The following GUCA1B variants were observed in gnomAD, a reference collection of about 807,000 sequenced individuals.
GUCA1B encodes guanylate cyclase activator 1B, also known as guanylyl cyclase-activating protein 2.
A neutral mutation model predicts 24.2 loss-of-function variants in GUCA1B; 22 were observed. That is an observed-to-expected ratio of 0.91 (90% CI 0.65 to 1.30). The LOEUF (loss-of-function observed/expected upper bound fraction) is 1.30, where lower values mean the gene tolerates loss of function less well. Among genes scored for constraint, GUCA1B ranks in the 50% most tolerant of loss-of-function variants. GUCA1B has a pLI of 0.00. For missense variants in GUCA1B, 221 were observed against 258.8 expected, an observed-to-expected ratio of 0.85 and a Z score of 1.00; for synonymous variants, 100 against 97.9, an observed-to-expected ratio of 1.02 and a Z score of -0.13.
chr6:42,193,654 G>C (rs1163925859), intron 1 of GUCA1B, among the ~76,000 whole-genome samples: 5 of 152,204 alleles, frequency 3.3e-5, no homozygotes, highest in Non-Finnish European at 5.9e-5. Flanking sequence ...AGGTTCTGTT[G>C]AATTGAAGGT....
At chr6:42,189,127 AC>A (rs935554534) in intron 1 of GUCA1B, among the ~76,000 whole-genome samples, 6 of 151,866 alleles carry the variant, frequency 4.0e-5, no homozygotes, top group African/African-American at 1.2e-4. Flanking sequence ...ACCCAAGCCT[AC>A]CCATCCTTCA....
At chr6:42,185,621 G>T (rs2113843907) in intron 3 of GUCA1B, 59 bp downstream of exon 3, 2 of 1,056,140 alleles carry the variant, frequency 1.9e-6, no homozygotes, top group Non-Finnish European at 1.5e-6. Context: ...AGGACGTGCG[G>T]CCAGAAAGTG....
At chr6:42,186,053 G>A (rs190930360) in intron 2 of GUCA1B, among the ~76,000 whole-genome samples, 7 of 152,294 alleles carry the variant, frequency 4.6e-5, no homozygotes, top group South Asian at 2.1e-4. Flanking sequence ...TCCACTGTGA[G>A]CTGCAAAGCC....
rs781581603 is a variant in GUCA1B, at chr6:42,184,095, CTTTTTTTTT to C, written c.*711_*719del. Among the ~76,000 whole-genome samples, 1 of 141,250 alleles carries C rather than the reference CTTTTTTTTT, an allele frequency of 7.1e-6. No homozygotes were observed. The highest frequency in any genetic ancestry group is 1.5e-5 in the Non-Finnish European group (1 of 65,652). 92.7% of individuals were successfully genotyped at this position (141,250 alleles called of 152,430 possible). On this transcript the variant is annotated 3_prime_UTR_variant, in exon 4 of 4. Transcript: ENST00000230361. ...AAAACTCCTGCCTTTTCTTTTCTTTCTTTTTTTTTTTTTGAGACGGAGTCTCACTGTCGT... is the reference window on the plus strand; with the variant it reads ...AAAACTCCTGCCTTTTCTTTTCTTTCTTTTGAGACGGAGTCTCACTGTCGT...
intron 1 of GUCA1B, among the ~76,000 whole-genome samples, chr6:42,190,593 T>C (rs1768288793): frequency 6.6e-6 from 1 of 152,126 alleles, no homozygotes; most frequent in Non-Finnish European, 1.5e-5. Flanking sequence ...ATCTTGTGTT[T>C]CTTATTTAAT....
chr6:42,188,290 TGTC>T (rs1377962832), intron 2 of GUCA1B, among the ~76,000 whole-genome samples: 1 of 143,692 alleles, frequency 7.0e-6, no homozygotes, highest in South Asian at 2.2e-4. Context: ...TTAAGATACT[TGTC>T]GTGTGTGTGT....
In GUCA1B at chr6:42,194,829, T is replaced by C. The variant is rs764732632; in HGVS notation, c.-9A>G. The C allele has an allele frequency of 5.2e-6, 8 of 1,550,304 alleles. No individual in the cohort carries two copies. The highest frequency in any genetic ancestry group is 7.0e-6 in the Non-Finnish European group (8 of 1,145,034). ...CTAAACTCCTGCCCCATGCTAGCCCTGAGGAGCATCAGGGAGCAAGGGTCT... is the reference window on the plus strand; with the variant it reads ...CTAAACTCCTGCCCCATGCTAGCCCCGAGGAGCATCAGGGAGCAAGGGTCT... On this transcript the variant is annotated 5_prime_UTR_variant, in exon 1 of 4. Coordinates refer to ENST00000230361, the MANE Select transcript of GUCA1B (RefSeq NM_002098.6).
At position 42,184,987 on chromosome 6, in the gene GUCA1B, C is replaced by T. The variant is rs763940886; in HGVS notation, c.476-45G>A. ...GGTGGTCATGTAGAAGAAGGGGAGA[C>T]CTGGGTCTGGGGGCAGGAGGAGAGA... On this transcript the variant is annotated intron_variant, in intron 3 of 3. Transcript: ENST00000230361. 2.5e-6 allele frequency: 4 copies of T among 1,607,174 alleles called. No homozygotes were observed. In the South Asian group the frequency reaches 4.4e-5, roughly 18 times the overall value.
chr6:42,190,684 A>G (rs757621555), intron 1 of GUCA1B, among the ~76,000 whole-genome samples: 3 of 152,176 alleles, frequency 2.0e-5, no homozygotes, highest in Non-Finnish European at 2.9e-5. Context: ...AGCAAGTGGC[A>G]GAGCTTTTCC....
In GUCA1B at chr6:42,191,970, T is replaced by C. The variant is rs529408538; in HGVS notation, c.207+2644A>G. 2.8e-5 allele frequency among the ~76,000 whole-genome samples: 4 copies of C among 142,950 alleles called. No individual in the cohort carries two copies. The Admixed American group carries it at 2.9e-4, about 10-fold the overall frequency. The allele number at this position is 142,950 out of a possible 152,430, so 93.8% of individuals were successfully genotyped here. On this transcript the variant is annotated intron_variant, in intron 1 of 3. Transcript: ENST00000230361. ...TCACAGTCAAATAAAAAAGAAAAGCTGAGATTAAAGATTCCAGGTTAAAGA... is the reference window on the plus strand; with the variant it reads ...TCACAGTCAAATAAAAAAGAAAAGCCGAGATTAAAGATTCCAGGTTAAAGA...
chr6:42,188,295 TGTGTGTGTG>T (rs896898126), intron 2 of GUCA1B, among the ~76,000 whole-genome samples: 2 of 65,668 alleles, frequency 3.0e-5, no homozygotes, highest in African/African-American at 1.9e-4. Context: ...ATACTTGTCG[TGTGTGTGTG>T]TGTGTGTGTG....
At chr6:42,192,433 C>T (rs529737884) in intron 1 of GUCA1B, among the ~76,000 whole-genome samples, 3 of 149,636 alleles carry the variant, frequency 2.0e-5, no homozygotes, top group Admixed American at 6.7e-5. Context: ...GAAACCTGGC[C>T]GGGTGCAGTG....
Position 42,184,980 on chromosome 6 carries a change from G to A in GUCA1B, c.476-38C>T, listed in dbSNP as rs77861929. 1,732 of 1,609,340 alleles carry A rather than the reference G, an allele frequency of 1.1e-3. 21 individuals are homozygous for A. The African/African-American group carries it at 0.021, about 19-fold the overall frequency. ...GAGGAGAGGTGGTCATGTAGAAGAA[G>A]GGGAGACCTGGGTCTGGGGGCAGGA... On this transcript the variant is annotated intron_variant, in intron 3 of 3. Coordinates refer to ENST00000230361, the MANE Select transcript of GUCA1B (RefSeq NM_002098.6).
At chr6:42,187,425 T>TC in intron 2 of GUCA1B, among the ~76,000 whole-genome samples, 1 of 150,480 alleles carries the variant, frequency 6.6e-6, no homozygotes, top group South Asian at 2.1e-4. Context: ...TTACTTTTTT[T>TC]TTTTTTTTTT....
At chr6:42,185,390 T>G (rs149961779) in intron 3 of GUCA1B, among the ~76,000 whole-genome samples, 1 of 152,202 alleles carries the variant, frequency 6.6e-6, no homozygotes, top group Non-Finnish European at 1.5e-5. Context: ...GATGAGGAAA[T>G]TGAGACTAGG....
In GUCA1B at chr6:42,185,664, T is replaced by C; in HGVS notation, c.475+16A>G. Reference sequence around the variant, plus strand: ...TGCAGAGTGGACAGCACTCTCCCCATCTCTGCCCCTCTTACCATCTCCATT... The same window carrying C: ...TGCAGAGTGGACAGCACTCTCCCCACCTCTGCCCCTCTTACCATCTCCATT... On this transcript the variant is annotated intron_variant, in intron 3 of 3. Transcript: ENST00000230361. The C allele has an allele frequency of 7.1e-7, 1 of 1,418,258 alleles. No individual in the cohort carries two copies. Among genetic ancestry groups the C allele is most frequent in the Non-Finnish European group, 1.0e-6 (1 of 1,001,628 alleles). The allele number at this position is 1,418,258 out of a possible 1,614,324, so 87.9% of individuals were successfully genotyped here.
chr6:42,184,638 T>C lies in GUCA1B; in HGVS notation c.*177A>G, dbSNP rs2113843271. 2.8e-6 allele frequency: 2 copies of C among 715,412 alleles called. No homozygotes were observed. Among genetic ancestry groups the C allele is most frequent in the Non-Finnish European group, 2.5e-6 (1 of 395,792 alleles). The allele number at this position is 715,412 out of a possible 1,614,324, so 44.3% of individuals were successfully genotyped here. A position where few individuals can be genotyped will look rare whatever the true frequency, so the allele number is the denominator to read the frequency against. On this transcript the variant is annotated 3_prime_UTR_variant, in exon 4 of 4. Coordinates refer to ENST00000230361, the MANE Select transcript of GUCA1B (RefSeq NM_002098.6). ...CCAGGGACTCCTCCAAAATGGACTA[T>C]GCCCTGTTGGCCACTTCAAACCCAG...
chr6:42,189,253 C>A lies in GUCA1B; in HGVS notation c.208-522G>T, dbSNP rs768754319. ...CACAGCCTCTACTGTCTATTCTACA[C>A]AGCTTGGGACTTTCTCTGGCATTGT... is the stretch of plus-strand genomic sequence containing the variant. On this transcript the variant is annotated intron_variant, in intron 1 of 3. Coordinates refer to ENST00000230361, the MANE Select transcript of GUCA1B (RefSeq NM_002098.6). Among the ~76,000 whole-genome samples, 188 of 152,318 alleles carry A rather than the reference C, an allele frequency of 1.2e-3. 2 individuals carry two copies. Among genetic ancestry groups the A allele is most frequent in the Middle Eastern group, 3.4e-3 (1 of 294 alleles).
chr6:42,185,140 T>C (rs1055196021), intron 3 of GUCA1B, among the ~76,000 whole-genome samples, 198 bp from the exon 4 acceptor site: 10 of 152,342 alleles, frequency 6.6e-5, no homozygotes, highest in Middle Eastern at 3.4e-3. Context: ...CTTTCTTTGC[T>C]GATGAATTGA....
Sources: allele counts gnomAD v4.1 joint callset (sites outside exome capture counted in the v4.1 genomes callset), GRCh38; gene constraint gnomAD v4.1.1; transcripts MANE v1.5; gene names NCBI Gene and HGNC (gene_info 2026-07-23, HGNC 2026-07-21).